Variants in NLGN4X observed in about 807,000 individuals in gnomAD.
NLGN4X encodes neuroligin 4 X-linked.
Under a neutral mutation model 40.3 loss-of-function variants are expected in NLGN4X, and 3 were observed. The ratio of observed to expected loss-of-function variants is 0.07; its 90% confidence interval spans 0.03 to 0.19. The LOEUF (loss-of-function observed/expected upper bound fraction) is 0.19. NLGN4X is among the 10% of genes least tolerant of loss of function. The probability of loss-of-function intolerance (pLI) is 1.00; values close to 1 mark genes in which losing one functional copy is unlikely to be tolerated. For synonymous variants in NLGN4X, 270 were observed against 306.8 expected (o/e 0.88, Z 1.25); for missense variants, 382 against 708.3 (o/e 0.54, Z 5.23).
At chrX:6,149,112 T>G (rs985248457) in intron 2 of NLGN4X, among the ~76,000 whole-genome samples, 2 of 112,461 alleles carry the variant, frequency 1.8e-5, no homozygotes, top group African/African-American at 6.5e-5. Flanking sequence ...TTTCACTGAA[T>G]AGCATTTTTC....
intron 1 of NLGN4X, among the ~76,000 whole-genome samples, chrX:6,165,340 G>A (rs2040475896): frequency 9.0e-6 from 1 of 111,715 alleles, no homozygotes; most frequent in East Asian, 2.8e-4. Flanking sequence ...TTTAAACAGG[G>A]TTCAGGAAGG....
chrX:6,022,206 A>G, intron 3 of NLGN4X, among the ~76,000 whole-genome samples: 1 of 112,029 alleles, frequency 8.9e-6, no homozygotes, highest in Non-Finnish European at 1.9e-5. Context: ...CAGAAATCAA[A>G]TCGGGGGAAT....
intron 2 of NLGN4X, among the ~76,000 whole-genome samples, chrX:6,073,653 T>C (rs772783519): frequency 2.7e-5 from 3 of 111,079 alleles, no homozygotes; most frequent in Non-Finnish European, 5.7e-5. Flanking sequence ...AAGACTGAGA[T>C]GCCCAGGACA....
At chrX:6,146,956 A>G (rs1240410783) in intron 2 of NLGN4X, among the ~76,000 whole-genome samples, 1 of 109,801 alleles carries the variant, frequency 9.1e-6, no homozygotes, top group Non-Finnish European at 1.9e-5. Context: ...ATGCCCAGCT[A>G]ATTTTTTGTA....
At chrX:6,049,250 G>C (rs1258575856) in intron 2 of NLGN4X, among the ~76,000 whole-genome samples, 7 of 27,199 alleles carry the variant, frequency 2.6e-4, no homozygotes. Flanking sequence ...GGGAGGGGAG[G>C]GGAGGGGAGG....
intron 3 of NLGN4X, among the ~76,000 whole-genome samples, chrX:5,922,933 GTATATC>G (rs1199201050): frequency 9.0e-6 from 1 of 111,494 alleles, no homozygotes; most frequent in Non-Finnish European, 1.9e-5. Flanking sequence ...AGATATCTAT[GTATATC>G]TATATCTATT....
intron 1 of NLGN4X, among the ~76,000 whole-genome samples, chrX:6,220,478 C>T (rs1240595597): frequency 9.4e-6 from 1 of 106,358 alleles, no homozygotes; most frequent in Non-Finnish European, 1.9e-5. Context: ...AAGTACACAA[C>T]ATTGCACAAT....
At chrX:5,898,429 A>T (rs1380846355) in intron 5 of NLGN4X, among the ~76,000 whole-genome samples, 4 of 109,253 alleles carry the variant, frequency 3.7e-5, no homozygotes, top group African/African-American at 1.3e-4. Context: ...GCTCATCCCA[A>T]AACCAAAGGT....
At chrX:6,009,201 G>A (rs777454056) in intron 3 of NLGN4X, among the ~76,000 whole-genome samples, 70 of 111,942 alleles carry the variant, frequency 6.3e-4, no homozygotes, top group Middle Eastern at 4.6e-3. Flanking sequence ...TAAGGACTGC[G>A]TATACAAATA....
At chrX:6,125,631 G>A (rs774923914) in intron 2 of NLGN4X, among the ~76,000 whole-genome samples, 12 of 110,547 alleles carry the variant, frequency 1.1e-4, no homozygotes, top group East Asian at 2.8e-4. Flanking sequence ...GCAACTTTAC[G>A]CAAAGAAATG....
chrX:6,216,150 C>T (rs1925071398), intron 1 of NLGN4X, among the ~76,000 whole-genome samples: 1 of 111,673 alleles, frequency 9.0e-6, no homozygotes, highest in Non-Finnish European at 1.9e-5. Context: ...CATGAGCCAT[C>T]GTACCCAGAC....
chrX:6,199,264 A>G (rs548003620), intron 1 of NLGN4X, among the ~76,000 whole-genome samples: 40 of 111,870 alleles, frequency 3.6e-4, no homozygotes, highest in African/African-American at 1.2e-3. Context: ...TATTTTTTTA[A>G]CTTGCAAATT....
chrX:5,956,024 A>G (rs745566937), intron 3 of NLGN4X, among the ~76,000 whole-genome samples: 2 of 110,021 alleles, frequency 1.8e-5, no homozygotes, highest in South Asian at 7.6e-4. Context: ...CCTGAGCTGT[A>G]GTGTCAATAT....
Position 5,920,205 on chromosome X carries a change from TGAG to T in NLGN4X, c.626-10969_626-10967del, listed in dbSNP as rs893372780. Among the ~76,000 whole-genome samples the T allele has an allele frequency of 2.7e-5, 3 of 111,543 alleles. No homozygotes were observed. The Admixed American group carries it at 2.9e-4, about 11-fold the overall frequency. Reference sequence around the variant, plus strand: ...TCAAATGGGAAATATGTTTAAAGGGTGAGGAGAACAGAAGGAGTCCCGGTGTAG... The same window carrying T: ...TCAAATGGGAAATATGTTTAAAGGGTGAGAACAGAAGGAGTCCCGGTGTAG... On this transcript the variant is annotated intron_variant, in intron 3 of 5. Coordinates refer to ENST00000381095, the MANE Select transcript of NLGN4X (RefSeq NM_181332.3).
chrX:5,896,472 C>T (rs1211402417), intron 5 of NLGN4X, among the ~76,000 whole-genome samples: 1 of 111,621 alleles, frequency 9.0e-6, no homozygotes, highest in Non-Finnish European at 1.9e-5. Flanking sequence ...AGTGTTTAAA[C>T]TCCTGTGAGT....
intron 3 of NLGN4X, among the ~76,000 whole-genome samples, chrX:5,943,766 C>T (rs184182243): frequency 7.1e-5 from 8 of 112,464 alleles, no homozygotes; most frequent in Non-Finnish European, 1.5e-4. Context: ...GGATGAATAC[C>T]AGCCATATGG....
At chrX:6,210,639 G>A (rs1302267670) in intron 1 of NLGN4X, among the ~76,000 whole-genome samples, 5 of 111,768 alleles carry the variant, frequency 4.5e-5, no homozygotes, top group African/African-American at 1.3e-4. Flanking sequence ...TGTGCATTAC[G>A]GAAAATACAC....
chrX:6,102,675 G>C (rs12012391), intron 2 of NLGN4X, among the ~76,000 whole-genome samples: 22 of 62,790 alleles, frequency 3.5e-4, no homozygotes, highest in African/African-American at 8.7e-4. Flanking sequence ...TACATACATA[G>C]ACAGATAGAT....
intron 1 of NLGN4X, among the ~76,000 whole-genome samples, chrX:6,184,785 C>T (rs1280074003): frequency 8.9e-6 from 1 of 112,538 alleles, no homozygotes; most frequent in African/African-American, 3.2e-5. Context: ...TAAAGCACCA[C>T]AGAAGGTTTT....
Sources: allele counts gnomAD v4.1 joint callset (sites outside exome capture counted in the v4.1 genomes callset), GRCh38; gene constraint gnomAD v4.1.1; transcripts MANE v1.5; gene names NCBI Gene and HGNC (gene_info 2026-07-23, HGNC 2026-07-21).